ADGRB3: variants seen among roughly 807,000 people sequenced by gnomAD.
ADGRB3 encodes brain-specific angiogenesis inhibitor 3.
In ADGRB3, 37 loss-of-function variants were observed where a neutral mutation model predicts 193.4. That is an observed-to-expected ratio of 0.19 (90% CI 0.15 to 0.25). The LOEUF (loss-of-function observed/expected upper bound fraction) is 0.25, where lower values mean the gene tolerates loss of function less well. ADGRB3 is among the 10% of genes least tolerant of loss of function. The pLI is 1.00. For synonymous variants in ADGRB3, 690 were observed against 644.2 expected, an observed-to-expected ratio of 1.07 and a Z score of -1.08; for missense variants, 1,637 against 1,852.9, an observed-to-expected ratio of 0.88 and a Z score of 2.14.
intron 3 of ADGRB3, among the ~76,000 whole-genome samples, chr6:68,874,233 T>C (rs1014876857): frequency 2.6e-5 from 4 of 152,284 alleles, no homozygotes; most frequent in Admixed American, 2.0e-4. Context: ...TGCACGATTT[T>C]GCATATTACT....
At chr6:69,274,118 T>C (rs1561973563) in intron 20 of ADGRB3, among the ~76,000 whole-genome samples, 1 of 152,026 alleles carries the variant, frequency 6.6e-6, no homozygotes, top group African/African-American at 2.4e-5. Flanking sequence ...CAAAACAAGC[T>C]AAAGAAGATG....
In ADGRB3 at chr6:68,897,485, G is replaced by T. The variant is rs115915814; in HGVS notation, c.758-33074G>T. 8.2e-3 allele frequency among the ~76,000 whole-genome samples: 825 copies of T among 100,214 alleles called. 45 individuals carry two copies. The highest frequency in any genetic ancestry group is 0.035 in the African/African-American group (789 of 22,272). The allele number at this position is 100,214 out of a possible 152,430, so 65.7% of individuals were successfully genotyped here. Reference sequence around the variant, plus strand: ...GGGAGGAAAGGGAGGGAGGGATGGAGGAAGGGAGGGAGGGAAGAGGAAGGA... The same window carrying T: ...GGGAGGAAAGGGAGGGAGGGATGGATGAAGGGAGGGAGGGAAGAGGAAGGA... On this transcript the variant is annotated intron_variant, in intron 3 of 31. Coordinates refer to ENST00000370598, the MANE Select transcript of ADGRB3 (RefSeq NM_001704.3).
chr6:68,638,611 A>G, intron 2 of ADGRB3, 50 bp from the exon 3 acceptor site: 1 of 1,493,114 alleles, frequency 6.7e-7, no homozygotes, highest in Non-Finnish European at 9.0e-7. Context: ...TTATTTTCTC[A>G]ATGCACGTAG....
chr6:68,911,762 T>C (rs1766718133), intron 3 of ADGRB3, among the ~76,000 whole-genome samples: 1 of 152,172 alleles, frequency 6.6e-6, no homozygotes, highest in South Asian at 2.1e-4. Context: ...GTCTTTTCAT[T>C]TGGAAATTCA....
At chr6:69,335,528 G>A (rs1768827170) in intron 24 of ADGRB3, among the ~76,000 whole-genome samples, 2 of 152,034 alleles carry the variant, frequency 1.3e-5, no homozygotes, top group South Asian at 2.1e-4. Flanking sequence ...CTAATATAAA[G>A]TACTGTTTTA....
intron 3 of ADGRB3, among the ~76,000 whole-genome samples, chr6:68,791,219 A>G (rs1468538891): frequency 6.6e-6 from 1 of 152,162 alleles, no homozygotes; most frequent in African/African-American, 2.4e-5. Flanking sequence ...TATCAGTATA[A>G]TCATTCTAAA....
intron 17 of ADGRB3, among the ~76,000 whole-genome samples, chr6:69,175,451 G>A (rs1775395016): frequency 6.6e-6 from 1 of 152,102 alleles, no homozygotes; most frequent in African/African-American, 2.4e-5. Flanking sequence ...ATGGCTGCAG[G>A]TGTGCAGCTT....
chr6:68,868,163 G>C (rs989221655), intron 3 of ADGRB3, among the ~76,000 whole-genome samples: 2 of 152,102 alleles, frequency 1.3e-5, no homozygotes, highest in African/African-American at 4.8e-5. Flanking sequence ...CATATGTCAG[G>C]GAAGGGACAT....
At chr6:69,358,927 A>G (rs1439013118) in intron 28 of ADGRB3, among the ~76,000 whole-genome samples, 2 of 150,888 alleles carry the variant, frequency 1.3e-5, no homozygotes, top group African/African-American at 4.8e-5. Context: ...ACACGTATAT[A>G]TATATATATT....
intron 17 of ADGRB3, among the ~76,000 whole-genome samples, chr6:69,190,949 G>C (rs907393551): frequency 6.7e-6 from 1 of 148,950 alleles, no homozygotes; most frequent in Non-Finnish European, 1.5e-5. Context: ...ATGTACCCCA[G>C]GTTTGTATTA....
At position 69,031,010 on chromosome 6, in the gene ADGRB3, CT is replaced by C. The variant is rs1161792454; in HGVS notation, c.2107+12515del. On this transcript the variant is annotated intron_variant, in intron 13 of 31. Transcript: ENST00000370598. ...TCTTTTCTTTCTTTTCCTTTCTTTT[CT>C]TTTCTTTTTTTTTTCCTCTTCTCTT... 9.5e-5 allele frequency among the ~76,000 whole-genome samples: 9 copies of C among 95,178 alleles called. 1 individual carries two copies. The highest frequency in any genetic ancestry group is 3.4e-4 in the African/African-American group (7 of 20,478). 62.4% of individuals were successfully genotyped at this position (95,178 alleles called of 152,430 possible).
intron 20 of ADGRB3, among the ~76,000 whole-genome samples, chr6:69,285,467 T>A (rs1352751398): frequency 6.6e-6 from 1 of 152,018 alleles, no homozygotes; most frequent in African/African-American, 2.4e-5. Flanking sequence ...GATCAGGAGT[T>A]CGAGACCAGC....
intron 13 of ADGRB3, among the ~76,000 whole-genome samples, chr6:69,023,982 C>A (rs1049573279): frequency 1.3e-4 from 20 of 151,346 alleles, no homozygotes; most frequent in Non-Finnish European, 1.6e-4. Flanking sequence ...AAGTATAGCC[C>A]CCAAGTGAAA....
intron 3 of ADGRB3, among the ~76,000 whole-genome samples, chr6:68,791,061 A>AG (rs1172924759): frequency 6.6e-6 from 1 of 151,924 alleles, no homozygotes; most frequent in Non-Finnish European, 1.5e-5. Context: ...AAAAAAAAAA[A>AG]AAAAAGTCTT....
At chr6:69,013,674 C>G (rs1256602357) in intron 11 of ADGRB3, among the ~76,000 whole-genome samples, 1 of 152,034 alleles carries the variant, frequency 6.6e-6, no homozygotes, top group Non-Finnish European at 1.5e-5. Flanking sequence ...AACAGGACAA[C>G]TTGTAATGAA....
At chr6:69,243,224 CA>C (rs1403400547) in intron 20 of ADGRB3, among the ~76,000 whole-genome samples, 1 of 151,856 alleles carries the variant, frequency 6.6e-6, no homozygotes. Context: ...TAAAAAAAAG[CA>C]AGTCTAAGTC....
intron 17 of ADGRB3, among the ~76,000 whole-genome samples, chr6:69,134,379 T>C (rs887791806): frequency 1.3e-5 from 2 of 152,168 alleles, no homozygotes; most frequent in African/African-American, 4.8e-5. Context: ...TTGTTTACAC[T>C]GGCCACCACA....
intron 17 of ADGRB3, among the ~76,000 whole-genome samples, chr6:69,110,780 A>G (rs1158991882): frequency 9.8e-5 from 15 of 152,330 alleles, no homozygotes; most frequent in Non-Finnish European, 7.4e-5. Context: ...TGAAGAAAGC[A>G]GGAAAATTAG....
At chr6:69,060,351 A>G (rs1035890154) in intron 15 of ADGRB3, among the ~76,000 whole-genome samples, 42 of 151,788 alleles carry the variant, frequency 2.8e-4, no homozygotes, top group African/African-American at 9.9e-4. Context: ...TGAACCTAAC[A>G]CAGTGTAATA....
Sources: allele counts gnomAD v4.1 joint callset (sites outside exome capture counted in the v4.1 genomes callset), GRCh38; gene constraint gnomAD v4.1.1; transcripts MANE v1.5; gene names NCBI Gene and HGNC (gene_info 2026-07-23, HGNC 2026-07-21).